Variants in USP31 observed in about 807,000 individuals in gnomAD.
USP31 encodes the protein ubiquitin carboxyl-terminal hydrolase 31.
USP31 carries 44 observed loss-of-function variants against 119.4 expected under a neutral mutation model. That is an observed-to-expected ratio of 0.37 (90% CI 0.29 to 0.47). USP31 has a LOEUF of 0.47. Among genes scored for constraint, USP31 ranks in the 20% least tolerant of loss-of-function variants. The probability of loss-of-function intolerance (pLI) is 0.99; values close to 1 mark genes in which losing one functional copy is unlikely to be tolerated. For synonymous variants in USP31, 749 were observed against 705.6 expected (o/e 1.06, Z -0.97); for missense variants, 1,643 against 1,730.2 (o/e 0.95, Z 0.89).
At chr16:23,072,552 G>A in intron 14 of USP31, 1 of 565,966 alleles carries the variant, frequency 1.8e-6, no homozygotes, top group East Asian at 2.9e-5. Context: ...CTACATGCCA[G>A]GCACTGTTCT....
intron 1 of USP31, among the ~76,000 whole-genome samples, chr16:23,132,452 G>A (rs1381063416): frequency 6.6e-6 from 1 of 151,712 alleles, no homozygotes; most frequent in East Asian, 1.9e-4. Flanking sequence ...CCCTCATTGT[G>A]ACGAGTGTAT....
chr16:23,133,265 G>A (rs1000207550), intron 1 of USP31, among the ~76,000 whole-genome samples: 2 of 152,038 alleles, frequency 1.3e-5, no homozygotes, highest in Non-Finnish European at 2.9e-5. Context: ...CCAAGCCCAC[G>A]ACAGAACTGG....
At chr16:23,074,811 A>G (rs1276177753) in intron 13 of USP31, among the ~76,000 whole-genome samples, 1 of 152,248 alleles carries the variant, frequency 6.6e-6, no homozygotes, top group Admixed American at 6.5e-5. Context: ...TCACAAACCC[A>G]GTCATCCTGC....
intron 6 of USP31, among the ~76,000 whole-genome samples, chr16:23,096,306 A>T (rs968776534): frequency 2.6e-5 from 4 of 152,224 alleles, no homozygotes; most frequent in African/African-American, 9.6e-5. Flanking sequence ...TATCCTACAT[A>T]TATATGCACC....
chr16:23,101,944 G>C (rs12931146), intron 6 of USP31, among the ~76,000 whole-genome samples: 32,610 of 107,122 alleles, frequency 0.3, 4,427 homozygotes, highest in Admixed American at 0.43. Flanking sequence ...AAAAATGTTA[G>C]AATCTTAAGA....
chr16:23,080,826 T>A (rs990606028), intron 12 of USP31, among the ~76,000 whole-genome samples: 31 of 152,278 alleles, frequency 2.0e-4, no homozygotes, highest in Middle Eastern at 6.8e-3. Context: ...CGTATAGGTC[T>A]GTGAAGGGAA....
rs1901768746 is a variant in USP31 at position 23,099,786 on chromosome 16, T to A, written c.1234+2533A>T. Among the ~76,000 whole-genome samples the A allele has an allele frequency of 3.3e-5, 5 of 152,164 alleles. No individual in the cohort carries two copies. The South Asian group carries it at 1.0e-3, about 32-fold the overall frequency. ...AAATATTTGCAAATCATATATCTGA[T>A]AAGGGTCTAGTATTCAGCATATGTG... On this transcript the variant is annotated intron_variant, in intron 6 of 15. Coordinates refer to ENST00000219689, the MANE Select transcript of USP31 (RefSeq NM_020718.4).
At chr16:23,084,140 C>T (rs975962441) in intron 11 of USP31, among the ~76,000 whole-genome samples, 3 of 152,204 alleles carry the variant, frequency 2.0e-5, no homozygotes, top group African/African-American at 7.2e-5. Context: ...TGAAGAGTTA[C>T]AACTAGTAGT....
At chr16:23,081,198 A>G (rs1900806509) in intron 12 of USP31, among the ~76,000 whole-genome samples, 1 of 152,150 alleles carries the variant, frequency 6.6e-6, no homozygotes, top group Non-Finnish European at 1.5e-5. Flanking sequence ...TTGCCTCTGG[A>G]TTGCTGGAAG....
intron 1 of USP31, among the ~76,000 whole-genome samples, chr16:23,112,350 A>G (rs562341941): frequency 1.3e-5 from 2 of 152,192 alleles, no homozygotes; most frequent in South Asian, 4.1e-4. Context: ...AGGCTGAGAC[A>G]GGTGGATCAC....
At chr16:23,113,939 T>TGGTGAA (rs1902404152) in intron 1 of USP31, among the ~76,000 whole-genome samples, 1 of 152,130 alleles carries the variant, frequency 6.6e-6, no homozygotes, top group African/African-American at 2.4e-5. Flanking sequence ...ACCCCATCTC[T>TGGTGAA]ACTAAAAATA....
intron 15 of USP31, among the ~76,000 whole-genome samples, chr16:23,070,589 C>CTACA (rs1313525256): frequency 1.3e-5 from 2 of 152,018 alleles, no homozygotes; most frequent in Non-Finnish European, 2.9e-5. Flanking sequence ...TGGCAGGTGC[C>CTACA]TGTAGTCCCA....
intron 13 of USP31, among the ~76,000 whole-genome samples, chr16:23,075,524 G>A (rs890373369): frequency 2.6e-5 from 4 of 152,042 alleles, no homozygotes; most frequent in African/African-American, 9.6e-5. Context: ...TATGGCTCAC[G>A]GACTGACACG....
rs1482918663 is a variant in USP31, at chr16:23,149,184, C to G, written c.87G>C (p.Arg29=). The change falls in exon 1 of 16, where the codon CGG becomes CGC. Residue 29 remains arginine, a synonymous_variant. Transcript: ENST00000219689. ...EKRSFSKRLF[R]SGRAGGGGAG... ...CGCCGCCGCCGCCAGCGCGGCCGCT[C>G]CGAAACAGCCGCTTGCTGAAGGAGC... 3 of 1,162,404 alleles carry G rather than the reference C, an allele frequency of 2.6e-6. No homozygotes were observed. In the East Asian group the frequency reaches 1.3e-4, roughly 50 times the overall value. 72.0% of individuals were successfully genotyped at this position (1,162,404 alleles called of 1,614,324 possible). A position where few individuals can be genotyped will look rare whatever the true frequency, so the allele number is the denominator to read the frequency against.
At chr16:23,131,841 A>G (rs552750827) in intron 1 of USP31, among the ~76,000 whole-genome samples, 2 of 152,316 alleles carry the variant, frequency 1.3e-5, no homozygotes, top group South Asian at 2.1e-4. Context: ...TTGCTCTTCA[A>G]GATCAAAAGA....
intron 1 of USP31, among the ~76,000 whole-genome samples, chr16:23,129,747 T>C (rs1000500706): frequency 6.6e-6 from 1 of 152,230 alleles, no homozygotes; most frequent in African/African-American, 2.4e-5. Context: ...TACTTTAACA[T>C]GGTTCCATGT....
In USP31 at chr16:23,149,428, C is replaced by T. The variant is rs1903658652; in HGVS notation, c.-158G>A. Among the ~76,000 whole-genome samples the T allele has an allele frequency of 6.1e-5, 9 of 148,270 alleles. No homozygotes were observed. The South Asian group carries it at 1.9e-3, about 31-fold the overall frequency. ...GCCGAGCCAGCGAGCGAGCGGCGGC[C>T]GGCGGGGCCAGCGGGCGCGCGCGCG... On this transcript the variant is annotated 5_prime_UTR_variant, in exon 1 of 16. Transcript: ENST00000219689.
chr16:23,086,939 A>G (rs1901134455), intron 9 of USP31, among the ~76,000 whole-genome samples, 153 bp downstream of exon 9: 2 of 152,200 alleles, frequency 1.3e-5, no homozygotes, highest in Non-Finnish European at 1.5e-5. Context: ...ACATATACCC[A>G]AGCACAAATC....
Position 23,148,899 on chromosome 16 carries a change from C to A in USP31, c.372G>T (p.Val124=), listed in dbSNP as rs1435929723. ...PAPPACAAEP[V]PGVAGLRNHG... is the part of the protein sequence containing the mutation. Reference sequence around the variant, plus strand: ...GGTTGCGGAGCCCCGCCACGCCGGGCACCGGCTCGGCGGCGCAAGCGGGCG... The same window carrying A: ...GGTTGCGGAGCCCCGCCACGCCGGGAACCGGCTCGGCGGCGCAAGCGGGCG... Residue 124 remains valine (V), a synonymous_variant, in exon 1 of 16, where the codon GTG becomes GTT. Transcript: ENST00000219689. The A allele has an allele frequency of 3.5e-6, 5 of 1,434,004 alleles. No homozygotes were observed. Among genetic ancestry groups the A allele is most frequent in the African/African-American group, 1.5e-5 (1 of 68,162 alleles). The allele number at this position is 1,434,004 out of a possible 1,614,324, so 88.8% of individuals were successfully genotyped here. A position where few individuals can be genotyped will look rare whatever the true frequency, so the allele number is the denominator to read the frequency against.
Sources: gnomAD v4.1 joint callset for allele counts (sites outside exome capture counted in the v4.1 genomes callset) on GRCh38, gnomAD v4.1.1 for gene constraint, MANE v1.5 for transcripts, NCBI Gene and HGNC (gene_info 2026-07-23, HGNC 2026-07-21) for gene names.